Variants in BLTP1 observed in about 807,000 individuals in gnomAD.
BLTP1 encodes the protein fragile site-associated protein.
the BLTP1 span, chr4:122,316,507 C>T: frequency 5.6e-6 from 3 of 536,690 alleles, no homozygotes; most frequent in Admixed American, 6.8e-5. Flanking sequence ...TCAGTCTAGC[C>T]AGTCCCATTT....
the BLTP1 span, among the ~76,000 whole-genome samples, chr4:122,176,988 C>T: frequency 6.6e-6 from 1 of 152,144 alleles, no homozygotes; most frequent in Admixed American, 6.5e-5. Flanking sequence ...GTTTTAAACA[C>T]ATTAAACTCT....
the BLTP1 span, chr4:122,185,219 A>ATAG: frequency 1.0e-6 from 1 of 981,836 alleles, no homozygotes; most frequent in Non-Finnish European, 1.2e-6. Context: ...TGTAAACTCC[A>ATAG]TAGTTTTCTA....
At chr4:122,238,561 G>C in the BLTP1 span, among the ~76,000 whole-genome samples, 882 of 152,284 alleles carry the variant, frequency 5.8e-3, 5 homozygotes, top group African/African-American at 0.02. Context: ...GAAAGTACAG[G>C]AAAGTGTAAT....
the BLTP1 span, among the ~76,000 whole-genome samples, chr4:122,310,349 T>TG: frequency 6.6e-6 from 1 of 152,050 alleles, no homozygotes; most frequent in African/African-American, 2.4e-5. Context: ...GGCTATTTGC[T>TG]GGGGGGCTTG....
the BLTP1 span, chr4:122,180,068 A>T: frequency 1.0e-6 from 1 of 984,792 alleles, no homozygotes; most frequent in African/African-American, 1.8e-5. Context: ...ACACACACAC[A>T]CACACGGCTT....
At chr4:122,302,942 A>G in the BLTP1 span, among the ~76,000 whole-genome samples, 1 of 152,360 alleles carries the variant, frequency 6.6e-6, no homozygotes, top group Admixed American at 6.5e-5. Context: ...ATAATGTTTA[A>G]GGAAAGAACC....
chr4:122,190,291 T>G, the BLTP1 span: 2 of 549,646 alleles, frequency 3.6e-6, no homozygotes, highest in Non-Finnish European at 4.6e-6. Flanking sequence ...AGATGGTATT[T>G]CGCTATATTG....
the BLTP1 span, among the ~76,000 whole-genome samples, chr4:122,238,786 C>T: frequency 6.6e-6 from 1 of 152,186 alleles, no homozygotes; most frequent in Non-Finnish European, 1.5e-5. Context: ...TCTCCATTGT[C>T]CTGTCCTCCA....
At chr4:122,351,299 CAGAA>C in the BLTP1 span, 1 of 875,240 alleles carries the variant, frequency 1.1e-6, no homozygotes, top group African/African-American at 1.8e-5. Context: ...ACATTCCACT[CAGAA>C]ATCACTGTGA....
chr4:122,246,801 G>A, the BLTP1 span: 6 of 1,612,328 alleles, frequency 3.7e-6, no homozygotes, highest in Admixed American at 1.7e-5. Context: ...ACACAGGTTC[G>A]CATGAACAGG....
the BLTP1 span, chr4:122,237,657 T>C: frequency 2.5e-5 from 19 of 759,464 alleles, no homozygotes; most frequent in African/African-American, 7.6e-5. Flanking sequence ...TCTATACTTA[T>C]GTAGATATAT....
the BLTP1 span, chr4:122,210,938 C>T: frequency 6.2e-7 from 1 of 1,613,488 alleles, no homozygotes; most frequent in Non-Finnish European, 8.5e-7. Flanking sequence ...TCCCAGAAGA[C>T]ATCAGACAGA....
the BLTP1 span, chr4:122,343,344 G>A: frequency 8.8e-6 from 14 of 1,588,864 alleles, no homozygotes; most frequent in African/African-American, 1.3e-5. Flanking sequence ...TGGTTCTTAA[G>A]AACATATTAT....
At chr4:122,340,918 T>G in the BLTP1 span, 3 of 775,080 alleles carry the variant, frequency 3.9e-6, no homozygotes, top group Non-Finnish European at 4.7e-6. Flanking sequence ...ACTACAACAT[T>G]TCTGTAGTGA....
At chr4:122,356,876 T>C in the BLTP1 span, 4 of 1,457,266 alleles carry the variant, frequency 2.7e-6, no homozygotes, top group Admixed American at 2.6e-5. Flanking sequence ...GTTGAAGATA[T>C]CAGTAAATAG....
At chr4:122,194,780 G>A in the BLTP1 span, 1 of 654,928 alleles carries the variant, frequency 1.5e-6, no homozygotes. Context: ...AAACTAAAAT[G>A]CAGTAGAGAA....
At chr4:122,186,591 G>A in the BLTP1 span, among the ~76,000 whole-genome samples, 1 of 151,970 alleles carries the variant, frequency 6.6e-6, no homozygotes, top group Non-Finnish European at 1.5e-5. Context: ...TTTAGAATAT[G>A]TGCCTCATAT....
At chr4:122,280,872 C>T in the BLTP1 span, among the ~76,000 whole-genome samples, 1 of 152,048 alleles carries the variant, frequency 6.6e-6, no homozygotes, top group African/African-American at 2.4e-5. Flanking sequence ...TGTTTTTCCT[C>T]TGAATAGAAA....
the BLTP1 span, among the ~76,000 whole-genome samples, chr4:122,233,291 T>C: frequency 3.3e-5 from 5 of 152,364 alleles, no homozygotes; most frequent in African/African-American, 1.2e-4. Context: ...TCAGGTGCTT[T>C]ACACGTGTTA....
Sources: allele counts gnomAD v4.1 joint callset (sites outside exome capture counted in the v4.1 genomes callset), GRCh38; gene constraint gnomAD v4.1.1; transcripts MANE v1.5; gene names NCBI Gene and HGNC (gene_info 2026-07-23, HGNC 2026-07-21).